TRMT112: variants seen among roughly 807,000 people sequenced by gnomAD.
TRMT112 encodes the protein multifunctional methyltransferase subunit TRM112-like protein.
Under a neutral mutation model 13.8 loss-of-function variants are expected in TRMT112, and 9 were observed. The ratio of observed to expected loss-of-function variants is 0.65; its 90% CI spans 0.39 to 1.14. The LOEUF is 1.14. TRMT112 is among the 50% of genes most tolerant of loss of function. TRMT112 has a pLI of 0.01. For synonymous variants in TRMT112, 64 were observed against 67.0 expected (o/e 0.96, Z 0.22); for missense variants, 196 against 165.5 (o/e 1.18, Z -1.01).
upstream of TRMT112, chr11:64,318,393 G>C (rs748462954): frequency 4.4e-6 from 7 of 1,600,384 alleles, no homozygotes; most frequent in East Asian, 1.6e-4. Flanking sequence ...CAAGGTGACC[G>C]CTGGCCCGGC....
At chr11:64,318,048 A>T (rs955139141), upstream of TRMT112, 4 of 1,434,578 alleles carry the variant, frequency 2.8e-6, no homozygotes. Context: ...AGTGCAAACG[A>T]GGCGTGGGTC....
chr11:64,317,819 G>C (rs959131801), upstream of TRMT112: 4 of 815,588 alleles, frequency 4.9e-6, no homozygotes, highest in African/African-American at 7.0e-5. Context: ...TGCAATGCAG[G>C]AGCTCTCGTT....
chr11:64,317,685 G>A (rs1194334756), upstream of TRMT112: 23 of 848,358 alleles, frequency 2.7e-5, no homozygotes, highest in East Asian at 4.9e-4. Context: ...GAGGTAGGTA[G>A]GTGAAAGACC....
upstream of TRMT112, chr11:64,317,695 C>T: frequency 6.2e-6 from 5 of 812,000 alleles, no homozygotes; most frequent in Admixed American, 1.3e-4. Flanking sequence ...GGTGAAAGAC[C>T]TGTCGGGTCA....
At position 64,317,360 on chromosome 11, in the gene TRMT112, G is replaced by A; in HGVS notation, c.84C>T (p.Thr28=). The part of the protein sequence containing the change: ...SRGFPLRLQA[T]EVRICPVEFN... ...ATTCCACAGGGCAGATACGGACCTC[G>A]GTGGCCTGCAGGGCGGAGGAGTTTA... Residue 28 remains threonine, a synonymous_variant, in exon 2 of 4, where the codon ACC becomes ACT. Coordinates refer to ENST00000544844, the MANE Select transcript of TRMT112 (RefSeq NM_016404.3). 1.9e-6 allele frequency: 3 copies of A among 1,614,128 alleles called. No individual in the cohort carries two copies. The highest frequency in any genetic ancestry group is 2.5e-6 in the Non-Finnish European group (3 of 1,180,012).
chr11:64,318,383 CA>C (rs1490638681), upstream of TRMT112: 1 of 1,605,914 alleles, frequency 6.2e-7, no homozygotes, highest in Non-Finnish European at 8.5e-7. Flanking sequence ...TGGCCCCAAT[CA>C]AGGTGACCGC....
At position 64,317,456 on chromosome 11, in the gene TRMT112, C is replaced by T; in HGVS notation, c.71G>A (p.Arg24His). ...ACTGCCGCCGGCGGGTACCTGGAGG[C>T]GCAGGGGGAAGCCACGGGACCCCAC... ...RGVGSRGFPL[R>H]LQATEVRICP... Residue 24 changes from arginine (R) to histidine (H), a missense_variant, in exon 1 of 4, where the codon CGC becomes CAC. Physicochemically the swap from Arg to His is conservative, Grantham distance 29. Transcript: ENST00000544844. 1 of 1,610,980 alleles carries T rather than the reference C, an allele frequency of 6.2e-7. No homozygotes were observed. The highest frequency in any genetic ancestry group is 1.7e-5 in the Admixed American group (1 of 59,572).
At chr11:64,318,501 C>A, upstream of TRMT112, 3 of 1,361,634 alleles carry the variant, frequency 2.2e-6, no homozygotes, top group Non-Finnish European at 3.0e-6. Flanking sequence ...CCCCTCCGCC[C>A]GCCCGGCTCA....
upstream of TRMT112, chr11:64,317,686 G>T: frequency 1.2e-6 from 1 of 836,414 alleles, no homozygotes; most frequent in Non-Finnish European, 1.8e-6. Context: ...AGGTAGGTAG[G>T]TGAAAGACCT....
upstream of TRMT112, chr11:64,317,940 C>T (rs1361157057): frequency 1.4e-6 from 2 of 1,381,198 alleles, no homozygotes; most frequent in South Asian, 1.6e-5. Context: ...AAATTAGGCC[C>T]ATGGAAGCCG....
chr11:64,317,159 A>T lies in TRMT112; in HGVS notation c.181-12T>A. On this transcript the variant is annotated splice_polypyrimidine_tract_variant and intron_variant, in intron 2 of 3. Coordinates refer to ENST00000544844, the MANE Select transcript of TRMT112 (RefSeq NM_016404.3). Reference sequence around the variant, plus strand: ...TGGATCAGACGCAACTGTGGGCAAGAGGCCAAAATTATCTCCGGGCATCCC... The same window carrying T: ...TGGATCAGACGCAACTGTGGGCAAGTGGCCAAAATTATCTCCGGGCATCCC... 6.2e-7 allele frequency: 1 copy of T among 1,613,874 alleles called. No individual in the cohort carries two copies. The highest frequency in any genetic ancestry group is 2.2e-5 in the East Asian group (1 of 44,882).
upstream of TRMT112, chr11:64,317,771 C>G: frequency 1.3e-6 from 1 of 774,986 alleles, no homozygotes; most frequent in Non-Finnish European, 1.9e-6. Flanking sequence ...TTTTTTGCCA[C>G]AAATTCTTCG....
At chr11:64,318,003 G>T, upstream of TRMT112, 2 of 1,410,296 alleles carry the variant, frequency 1.4e-6, no homozygotes, top group Non-Finnish European at 1.8e-6. Flanking sequence ...CGAAAGCTCC[G>T]CCCCATTTGT....
At chr11:64,318,387 G>C (rs779282514), upstream of TRMT112, 99 of 1,603,956 alleles carry the variant, frequency 6.2e-5, no homozygotes, top group Non-Finnish European at 8.2e-5. Context: ...CCCAATCAAG[G>C]TGACCGCTGG....
rs907486827 is a variant in TRMT112 at position 64,316,979 on chromosome 11, G to A, written c.271-11C>T. The A allele has an allele frequency of 2.2e-5, 35 of 1,612,620 alleles. No individual in the cohort carries two copies. Among genetic ancestry groups the A allele is most frequent in the Admixed American group, 8.3e-5 (5 of 59,994 alleles). Reference sequence around the variant, plus strand: ...CTCTATCACTTCCACCTGCGGGCAGGGAGGGACAGAGCTGAGCACTGGCAG... The same window carrying A: ...CTCTATCACTTCCACCTGCGGGCAGAGAGGGACAGAGCTGAGCACTGGCAG... On this transcript the variant is annotated splice_polypyrimidine_tract_variant and intron_variant, in intron 3 of 3. Coordinates refer to ENST00000544844, the MANE Select transcript of TRMT112 (RefSeq NM_016404.3).
chr11:64,318,112 C>A (rs764280746), upstream of TRMT112: 28 of 1,519,608 alleles, frequency 1.8e-5, no homozygotes, highest in Non-Finnish European at 2.4e-5. Flanking sequence ...GGAGGCGGCC[C>A]AGGCCCGCCT....
chr11:64,317,230 C>G, intron 2 of TRMT112, 34 bp downstream of exon 2: 1 of 1,608,562 alleles, frequency 6.2e-7, no homozygotes, highest in Non-Finnish European at 8.5e-7. Context: ...CCCGCATTCC[C>G]CGGGATATGC....
In TRMT112 at chr11:64,317,338, C is replaced by A; in HGVS notation, c.106G>T (p.Glu36Ter). 1 of 1,614,172 alleles carries A rather than the reference C, an allele frequency of 6.2e-7. No individual in the cohort carries two copies. The highest frequency in any genetic ancestry group is 8.5e-7 in the Non-Finnish European group (1 of 1,180,032). The change falls in exon 2 of 4, where the codon GAA becomes TAA. Residue 36 changes from glutamate to a stop codon, truncating the protein, a stop_gained. Coordinates refer to ENST00000544844, the MANE Select transcript of TRMT112 (RefSeq NM_016404.3). LOFTEE classifies it high-confidence loss of function. ...CGCGCCACGAAGTTGGGGTTGAATTCCACAGGGCAGATACGGACCTCGGTG... is the reference window on the plus strand; with the variant it reads ...CGCGCCACGAAGTTGGGGTTGAATTACACAGGGCAGATACGGACCTCGGTG... ...QATEVRICPV[E>*]FNPNFVARMI...
At chr11:64,317,735 A>C, upstream of TRMT112, 1 of 741,118 alleles carries the variant, frequency 1.3e-6, no homozygotes, top group Non-Finnish European at 2.1e-6. Flanking sequence ...TCTCAGCAGG[A>C]GGTTCCTACG....
Sources: allele counts gnomAD v4.1 joint callset, GRCh38; gene constraint gnomAD v4.1.1; transcripts MANE v1.5; gene names NCBI Gene and HGNC (gene_info 2026-07-23, HGNC 2026-07-21).